Variants in GSK3B observed in about 807,000 individuals in gnomAD.
GSK3B encodes the protein glycogen synthase kinase 3 beta.
GSK3B carries 15 observed loss-of-function variants against 56.4 expected under a neutral mutation model. That is an observed-to-expected ratio of 0.27 (90% confidence interval 0.18 to 0.41). GSK3B has a LOEUF of 0.41. Among genes scored for constraint, GSK3B ranks in the 10% least tolerant of loss-of-function variants. GSK3B has a pLI of 1.00. For missense variants in GSK3B, 300 were observed against 513.4 expected (o/e 0.58, Z 4.02); for synonymous variants, 181 against 188.9 (o/e 0.96, Z 0.34).
chr3:119,835,317 G>T (rs1031683008), intron 10 of GSK3B, among the ~76,000 whole-genome samples: 1 of 152,126 alleles, frequency 6.6e-6, no homozygotes, highest in African/African-American at 2.4e-5. Flanking sequence ...TATACTTTTT[G>T]ACTCTACTTC....
In GSK3B at chr3:119,923,436, T is replaced by G; in HGVS notation, c.414A>C (p.Thr138=). The G allele has an allele frequency of 1.2e-6, 2 of 1,605,632 alleles. No individual in the cohort carries two copies. The highest frequency in any genetic ancestry group is 1.7e-6 in the Non-Finnish European group (2 of 1,173,514). ...LNLVLDYVPE[T]VYRVARHYSR... is the part of the protein sequence containing the mutation. ...TATAGTGTCTGGCAACTCTGTATAC[T>G]GTTTCCGGAACATAGTCCAGCACCA... is the stretch of plus-strand genomic sequence containing the variant. The change falls in exon 4 of 11, where the codon ACA becomes ACC. Residue 138 remains threonine, a synonymous_variant. Transcript: ENST00000264235.
At chr3:119,865,272 A>C (rs965707258) in intron 8 of GSK3B, among the ~76,000 whole-genome samples, 1 of 151,786 alleles carries the variant, frequency 6.6e-6, no homozygotes, top group African/African-American at 2.4e-5. Context: ...ATGGCAGCAC[A>C]TAAGTGGAAT....
intron 3 of GSK3B, among the ~76,000 whole-genome samples, chr3:119,934,732 G>A (rs1284513823): frequency 2.0e-5 from 3 of 152,006 alleles, no homozygotes; most frequent in African/African-American, 7.2e-5. Context: ...AGACATAAAA[G>A]CCCTATTACT....
intron 1 of GSK3B, among the ~76,000 whole-genome samples, chr3:120,049,021 C>A (rs1296260799): frequency 6.6e-6 from 1 of 152,202 alleles, no homozygotes; most frequent in Non-Finnish European, 1.5e-5. Flanking sequence ...TAAGGCAAAT[C>A]TAGTTCCTTT....
intron 2 of GSK3B, among the ~76,000 whole-genome samples, chr3:119,988,025 T>C (rs987445169): frequency 2.0e-5 from 3 of 152,212 alleles, no homozygotes; most frequent in Non-Finnish European, 4.4e-5. Context: ...CATAAACAAT[T>C]GTTGCCTTGT....
intron 4 of GSK3B, among the ~76,000 whole-genome samples, chr3:119,920,422 G>A (rs956578254): frequency 6.6e-6 from 1 of 152,112 alleles, no homozygotes; most frequent in African/African-American, 2.4e-5. Flanking sequence ...ATATTTTTTA[G>A]TAGAGGTGGG....
At chr3:120,051,766 C>CAAAAA (rs145027294) in intron 1 of GSK3B, among the ~76,000 whole-genome samples, 1 of 100,762 alleles carries the variant, frequency 9.9e-6, no homozygotes, top group South Asian at 3.1e-4. Flanking sequence ...GACTCTATCT[C>CAAAAA]AAAAAAAAAA....
chr3:120,041,472 C>A, intron 1 of GSK3B: 1 of 253,956 alleles, frequency 3.9e-6, no homozygotes, highest in South Asian at 6.1e-5. Flanking sequence ...TAAGGAAATC[C>A]TCAATGTGAT....
At chr3:119,974,407 T>C (rs984080366) in intron 2 of GSK3B, among the ~76,000 whole-genome samples, 28 of 151,902 alleles carry the variant, frequency 1.8e-4, no homozygotes, top group African/African-American at 6.8e-4. Flanking sequence ...CTATGAGGAC[T>C]CTGAGATTAA....
intron 2 of GSK3B, among the ~76,000 whole-genome samples, chr3:119,992,277 A>G (rs891685363): frequency 1.5e-4 from 23 of 152,156 alleles, no homozygotes; most frequent in Admixed American, 1.5e-3. Context: ...CAAACAGCTT[A>G]GTGGAATAAA....
At chr3:119,948,691 A>G (rs895785597) in intron 2 of GSK3B, among the ~76,000 whole-genome samples, 3 of 152,180 alleles carry the variant, frequency 2.0e-5, no homozygotes, top group African/African-American at 7.2e-5. Context: ...GTATTTCTAT[A>G]CTTTGTTTTT....
chr3:119,862,290 C>T (rs562156826), intron 9 of GSK3B, among the ~76,000 whole-genome samples: 6 of 133,716 alleles, frequency 4.5e-5, no homozygotes, highest in East Asian at 2.1e-4. Flanking sequence ...AACCAAACAC[C>T]GCATATTCTC....
At chr3:120,064,284 T>C (rs1340332312) in intron 1 of GSK3B, among the ~76,000 whole-genome samples, 1 of 151,828 alleles carries the variant, frequency 6.6e-6, no homozygotes, top group Non-Finnish European at 1.5e-5. Flanking sequence ...TCACAGTGTG[T>C]TTTCCCATTT....
chr3:119,873,256 C>T (rs1466149337), intron 8 of GSK3B, among the ~76,000 whole-genome samples: 2 of 152,018 alleles, frequency 1.3e-5, no homozygotes, highest in African/African-American at 4.8e-5. Flanking sequence ...TCTGCTATTT[C>T]TTTTACACAC....
At chr3:120,053,154 T>C (rs985572720) in intron 1 of GSK3B, among the ~76,000 whole-genome samples, 5 of 152,128 alleles carry the variant, frequency 3.3e-5, no homozygotes, top group Admixed American at 2.6e-4. Flanking sequence ...CTGGCCAACA[T>C]GGTGAAACCT....
intron 1 of GSK3B, among the ~76,000 whole-genome samples, chr3:120,038,566 G>A (rs1278333101): frequency 6.6e-6 from 1 of 152,130 alleles, no homozygotes; most frequent in African/African-American, 2.4e-5. Flanking sequence ...ATCAAAAAGG[G>A]ATGGCAGTCT....
At chr3:119,855,349 G>A (rs1356972239) in intron 9 of GSK3B, among the ~76,000 whole-genome samples, 1 of 152,150 alleles carries the variant, frequency 6.6e-6, no homozygotes, top group African/African-American at 2.4e-5. Flanking sequence ...GAGAGGATGT[G>A]GAAAAATAGG....
intron 8 of GSK3B, among the ~76,000 whole-genome samples, chr3:119,874,653 T>C (rs1220849836): frequency 3.3e-5 from 5 of 150,602 alleles, no homozygotes; most frequent in Non-Finnish European, 7.4e-5. Context: ...AATACTTAGA[T>C]TACACCAAAA....
At chr3:119,889,646 A>G (rs1029749372) in intron 7 of GSK3B, among the ~76,000 whole-genome samples, 4 of 152,174 alleles carry the variant, frequency 2.6e-5, no homozygotes, top group Admixed American at 2.6e-4. Context: ...AGCAAAGGAA[A>G]GATGGGATGA....
Sources: allele counts gnomAD v4.1 joint callset (sites outside exome capture counted in the v4.1 genomes callset), GRCh38; gene constraint gnomAD v4.1.1; transcripts MANE v1.5; gene names NCBI Gene and HGNC (gene_info 2026-07-23, HGNC 2026-07-21).